The following EPB41L1 variants were observed in gnomAD, a reference collection of about 807,000 sequenced individuals.
EPB41L1 encodes the protein erythrocyte membrane protein band 4.1 like 1.
A neutral mutation model predicts 97.8 loss-of-function variants in EPB41L1; 29 were observed. That is an observed-to-expected ratio of 0.30 (90% CI 0.22 to 0.40). The LOEUF is 0.40. Among genes scored for constraint, EPB41L1 ranks in the 10% least tolerant of loss-of-function variants. The pLI is 1.00. For synonymous variants in EPB41L1, 383 were observed against 459.2 expected (o/e 0.83, Z 2.12); for missense variants, 812 against 1,162.3 (o/e 0.70, Z 4.38).
chr20:36,207,229 CCCA>C lies in EPB41L1; in HGVS notation c.1669-2258_1669-2256del. The C allele has an allele frequency of 1.6e-6, 2 of 1,281,338 alleles. No homozygotes were observed. Among genetic ancestry groups the C allele is most frequent in the Non-Finnish European group, 2.0e-6 (2 of 983,612 alleles). 79.4% of individuals were successfully genotyped at this position (1,281,338 alleles called of 1,614,324 possible). ...CCATCTTTCGAAAGCCAGCCCAGAG[CCCA>C]AGGACCAAGTAGGGTTTGTGGTGTC... On this transcript the variant is annotated intron_variant, in intron 14 of 21. Transcript: ENST00000338074. The surrounding 1 kb of genome is among the most constrained non-coding windows in gnomAD (Gnocchi z 4.9).
Position 36,207,338 on chromosome 20 carries a change from G to A in EPB41L1, c.1669-2150G>A, listed in dbSNP as rs1217655400. On this transcript the variant is annotated intron_variant, in intron 14 of 21. Transcript: ENST00000338074. This position sits in a 1 kb window ranked among gnomAD's most constrained non-coding sequence, Gnocchi z 4.9. ...GTAGTCCCTGAAGAAGCTGAGGGGCGCATACCTCTGGGGTTTGGGTTCCCT... is the reference window on the plus strand; with the variant it reads ...GTAGTCCCTGAAGAAGCTGAGGGGCACATACCTCTGGGGTTTGGGTTCCCT... 1.4e-5 allele frequency: 18 copies of A among 1,287,096 alleles called. No homozygotes were observed. Among genetic ancestry groups the A allele is most frequent in the East Asian group, 1.1e-4 (2 of 17,982 alleles). 79.7% of individuals were successfully genotyped at this position (1,287,096 alleles called of 1,614,324 possible). A position where few individuals can be genotyped will look rare whatever the true frequency, so the allele number is the denominator to read the frequency against.
chr20:36,206,579 C>G lies in EPB41L1; in HGVS notation c.1669-2909C>G. 1 of 1,289,814 alleles carries G rather than the reference C, an allele frequency of 7.8e-7. No homozygotes were observed. The allele number at this position is 1,289,814 out of a possible 1,614,324, so 79.9% of individuals were successfully genotyped here. A position where few individuals can be genotyped will look rare whatever the true frequency, so the allele number is the denominator to read the frequency against. ...CCTCCCGGAGGTGAGCCCAGGCCGA[C>G]GCTGAATTCCTTAGACCTGAGGGTT... On this transcript the variant is annotated intron_variant, in intron 14 of 21. Coordinates refer to ENST00000338074, the MANE Select transcript of EPB41L1 (RefSeq NM_012156.2). The surrounding 1 kb of genome is among the most constrained non-coding windows in gnomAD (Gnocchi z 5.5).
Position 36,230,402 on chromosome 20 carries a change from T to G in EPB41L1, c.*1062T>G, listed in dbSNP as rs781601134. On this transcript the variant is annotated 3_prime_UTR_variant, in exon 22 of 22. Transcript: ENST00000338074. Reference sequence around the variant, plus strand: ...GTATCCTGAGGTTCCTAGATCTCACTGAACTGGCCCAGCTAAGGAGACCTG... The same window carrying G: ...GTATCCTGAGGTTCCTAGATCTCACGGAACTGGCCCAGCTAAGGAGACCTG... 2 of 152,636 alleles carry G rather than the reference T, an allele frequency of 1.3e-5. No homozygotes were observed. Among genetic ancestry groups the G allele is most frequent in the Non-Finnish European group, 1.5e-5 (1 of 68,104 alleles). The allele number at this position is 152,636 out of a possible 1,614,324, so 9.5% of individuals were successfully genotyped here. A position where few individuals can be genotyped will look rare whatever the true frequency, so the allele number is the denominator to read the frequency against.
intron 6 of EPB41L1, among the ~76,000 whole-genome samples, chr20:36,183,702 TGATTGAAATGAAA>T (rs1377531492): frequency 2.0e-5 from 3 of 152,156 alleles, no homozygotes; most frequent in Non-Finnish European, 2.9e-5. Context: ...AATGACAAAT[TGATTGAAATGAAA>T]GATTGGTCAG....
Position 36,206,755 on chromosome 20 carries a change from T to C in EPB41L1, c.1669-2733T>C. ...TGCTGAAGGCTGGGAAGATGCCCAG[T>C]GGGGAGTGGAAGGAGAGTTTCCCCA... On this transcript the variant is annotated intron_variant, in intron 14 of 21. Transcript: ENST00000338074. The surrounding 1 kb of genome is among the most constrained non-coding windows in gnomAD (Gnocchi z 5.5). 7.8e-7 allele frequency: 1 copy of C among 1,289,596 alleles called. No homozygotes were observed. Among genetic ancestry groups the C allele is most frequent in the South Asian group, 1.2e-5 (1 of 81,020 alleles). 79.9% of individuals were successfully genotyped at this position (1,289,596 alleles called of 1,614,324 possible).
At chr20:36,104,861 G>A (rs549699566) in intron 1 of EPB41L1, among the ~76,000 whole-genome samples, 2 of 152,154 alleles carry the variant, frequency 1.3e-5, no homozygotes, top group Admixed American at 1.3e-4. Flanking sequence ...GGCCTCGCGC[G>A]CTCTGGATGG....
At chr20:36,103,902 C>T (rs1341518729) in intron 1 of EPB41L1, among the ~76,000 whole-genome samples, 1 of 152,114 alleles carries the variant, frequency 6.6e-6, no homozygotes, top group Non-Finnish European at 1.5e-5. Flanking sequence ...GACAGGGTTT[C>T]ACCGTGTTAG....
At chr20:36,119,700 A>G (rs1328711663) in intron 2 of EPB41L1, among the ~76,000 whole-genome samples, 2 of 151,578 alleles carry the variant, frequency 1.3e-5, no homozygotes, top group African/African-American at 4.8e-5. Flanking sequence ...GGAAAGGGAC[A>G]AGGTGGGCAG....
intron 1 of EPB41L1, among the ~76,000 whole-genome samples, chr20:36,168,109 A>G (rs776420735): frequency 2.3e-4 from 35 of 152,162 alleles, no homozygotes; most frequent in Admixed American, 2.6e-4. Context: ...CCAGATAAAC[A>G]GCCACAGGTG....
At chr20:36,169,991 C>T (rs561923916) in intron 1 of EPB41L1, among the ~76,000 whole-genome samples, 16 of 152,240 alleles carry the variant, frequency 1.1e-4, no homozygotes, top group Non-Finnish European at 1.9e-4. Flanking sequence ...CAGCAGGCTC[C>T]ATCAGTCTGT....
chr20:36,145,461 A>C (rs1393286442), intron 2 of EPB41L1, among the ~76,000 whole-genome samples: 3 of 151,880 alleles, frequency 2.0e-5, no homozygotes, highest in African/African-American at 7.3e-5. Context: ...CTTTAGAATC[A>C]TCCCTGTTTC....
At chr20:36,204,538 G>A (rs1019342169) in intron 14 of EPB41L1, among the ~76,000 whole-genome samples, 4 of 140,952 alleles carry the variant, frequency 2.8e-5, no homozygotes, top group African/African-American at 1.1e-4. Flanking sequence ...TAGATAGAGT[G>A]CATTGGTGCG....
intron 2 of EPB41L1, among the ~76,000 whole-genome samples, chr20:36,146,570 G>A (rs552260371): frequency 6.6e-5 from 10 of 152,324 alleles, no homozygotes; most frequent in African/African-American, 2.2e-4. Flanking sequence ...TGGCTGCCTT[G>A]TGAAGTTGCG....
Position 36,178,024 on chromosome 20 carries a change from G to A in EPB41L1, c.415G>A (p.Gly139Ser), listed in dbSNP as rs765424876. 3 of 1,613,986 alleles carry A rather than the reference G, an allele frequency of 1.9e-6. No homozygotes were observed. Among genetic ancestry groups the A allele is most frequent in the East Asian group, 2.2e-5 (1 of 44,898 alleles). ...HLNLLEKDYF[G>S]LTFCDADSQK... Reference sequence around the variant, plus strand: ...CAACCTCCTAGAGAAGGACTACTTCGGCCTGACCTTCTGTGATGCTGACAG... The same window carrying A: ...CAACCTCCTAGAGAAGGACTACTTCAGCCTGACCTTCTGTGATGCTGACAG... Residue 139 changes from glycine (G) to serine (S), a missense_variant, in exon 4 of 22, where the codon GGC becomes AGC. Gly to Ser is a moderately conservative substitution (Grantham distance 56). Around this residue, in one of 3 missense-constraint regions of EPB41L1, gnomAD observed 230 missense variants for 445.2 expected, o/e 0.52. Coordinates refer to ENST00000338074, the MANE Select transcript of EPB41L1 (RefSeq NM_012156.2).
At chr20:36,150,701 T>C (rs1456750788), upstream of EPB41L1, 1 of 152,194 alleles carries the variant, frequency 6.6e-6, no homozygotes, top group African/African-American at 2.4e-5. Flanking sequence ...ATTAAACAAA[T>C]GAATGTGTGT....
Position 36,209,472 on chromosome 20 carries a change from T to C in EPB41L1, c.1669-16T>C, listed in dbSNP as rs1383541674. The C allele has an allele frequency of 1.2e-6, 2 of 1,612,082 alleles. No homozygotes were observed. Among genetic ancestry groups the C allele is most frequent in the African/African-American group, 2.7e-5 (2 of 74,810 alleles). On this transcript the variant is annotated splice_polypyrimidine_tract_variant and intron_variant, in intron 14 of 21. Coordinates refer to ENST00000338074, the MANE Select transcript of EPB41L1 (RefSeq NM_012156.2). The surrounding 1 kb of genome is among the most constrained non-coding windows in gnomAD (Gnocchi z 4.2). The stretch of plus-strand genomic sequence containing the variant: ...CCACCCCACATCCCCATTCTTTTGA[T>C]TTTATCTGGCCATAGAGAGCAGGGC...
At chr20:36,124,006 T>C (rs1016033479) in intron 2 of EPB41L1, among the ~76,000 whole-genome samples, 2 of 152,134 alleles carry the variant, frequency 1.3e-5, no homozygotes, top group Non-Finnish European at 2.9e-5. Context: ...CCCAACACTT[T>C]GGGAGTCTGA....
chr20:36,107,507 C>A (rs1227135488), intron 1 of EPB41L1, among the ~76,000 whole-genome samples: 1 of 149,948 alleles, frequency 6.7e-6, no homozygotes, highest in African/African-American at 2.5e-5. Flanking sequence ...GTGTGAGCCA[C>A]CGTGCCCGGC....
intron 1 of EPB41L1, among the ~76,000 whole-genome samples, chr20:36,102,623 T>TC (rs894373510): frequency 3.9e-5 from 6 of 152,200 alleles, no homozygotes; most frequent in African/African-American, 1.4e-4. Context: ...TGCTGCCCAG[T>TC]CCAAGTTCTT....
Sources: allele counts gnomAD v4.1 joint callset (sites outside exome capture counted in the v4.1 genomes callset), GRCh38; gene constraint gnomAD v4.1.1; regional missense constraint gnomAD v4.1.1; non-coding constraint Gnocchi (gnomAD v3.1); transcripts MANE v1.5; gene names NCBI Gene and HGNC (gene_info 2026-07-23, HGNC 2026-07-21).